The following STARD10 variants were observed in gnomAD, a reference collection of about 807,000 sequenced individuals.
STARD10 encodes the protein START domain-containing protein 10.
STARD10 carries 24 observed loss-of-function variants against 36.0 expected under a neutral mutation model. The observed-to-expected ratio is 0.67, with a 90% CI of 0.48 to 0.94. STARD10 has a LOEUF of 0.94. STARD10 is among the 40% of genes least tolerant of loss of function. STARD10 has a pLI of 0.00. For synonymous variants in STARD10, 156 were observed against 161.9 expected (o/e 0.96, Z 0.28); for missense variants, 335 against 396.6 (o/e 0.84, Z 1.32).
rs531994425 is a variant in STARD10 at position 72,783,018 on chromosome 11, C to T, written c.-113-1724G>A. ...GTTTTCCATTTCCAGAAAAGGGAAT[C>T]AGAATGGATAACCCTAAGGTGCCTC... On this transcript the variant is annotated intron_variant, in intron 1 of 6. Transcript: ENST00000334805. Among the ~76,000 whole-genome samples the T allele has an allele frequency of 1.4e-3, 217 of 152,278 alleles. 1 individual carries two copies. The Middle Eastern group carries it at 0.017, about 12-fold the overall frequency.
Position 72,781,334 on chromosome 11 carries a change from G to A in STARD10, c.-113-40C>T. ...TGGGGACGGGAATCAGTGCGCTGGG[G>A]GCGCGGGTGGGGCTGTTCGGGGTCC... is the stretch of plus-strand genomic sequence containing the variant. On this transcript the variant is annotated intron_variant, in intron 1 of 6. Transcript: ENST00000334805. The surrounding 1 kb of genome is among the most constrained non-coding windows in gnomAD (Gnocchi z 4.7). 4.6e-6 allele frequency: 3 copies of A among 652,508 alleles called. No homozygotes were observed. The highest frequency in any genetic ancestry group is 7.9e-6 in the Non-Finnish European group (3 of 378,482). The allele number at this position is 652,508 out of a possible 1,614,324, so 40.4% of individuals were successfully genotyped here. A position where few individuals can be genotyped will look rare whatever the true frequency, so the allele number is the denominator to read the frequency against.
At chr11:72,767,481 G>A (rs796432472) in intron 2 of STARD10, among the ~76,000 whole-genome samples, 172 of 152,324 alleles carry the variant, frequency 1.1e-3, no homozygotes, top group African/African-American at 3.6e-3. Context: ...GAGTCCAGGT[G>A]TGACTGACCC....
chr11:72,793,713 G>T lies in STARD10; in HGVS notation c.-952C>A, dbSNP rs1433087267. The T allele has an allele frequency of 6.6e-6, 1 of 152,186 alleles. No individual in the cohort carries two copies. The highest frequency in any genetic ancestry group is 1.5e-5 in the Non-Finnish European group (1 of 68,036). The allele number at this position is 152,186 out of a possible 1,614,324, so 9.4% of individuals were successfully genotyped here. A position where few individuals can be genotyped will look rare whatever the true frequency, so the allele number is the denominator to read the frequency against. ...CCCGAGACTCTCGGCTTGCGCAGGC[G>T]CTCTTTGGTGTTTACAGCGGCCGCG... On this transcript the variant is annotated 5_prime_UTR_variant, in exon 1 of 7. Coordinates refer to ENST00000334805, the MANE Select transcript of STARD10 (RefSeq NM_006645.3).
intron 2 of STARD10, among the ~76,000 whole-genome samples, chr11:72,769,750 T>C (rs115024784): frequency 1.7e-3 from 261 of 152,340 alleles, no homozygotes; most frequent in African/African-American, 6.1e-3. Flanking sequence ...TTCATGAGTA[T>C]ATTATTGAAT....
At chr11:72,764,962 G>A (rs11235585) in intron 2 of STARD10, among the ~76,000 whole-genome samples, 20,633 of 152,208 alleles carry the variant, frequency 0.14, 1,947 homozygotes, top group African/African-American at 0.26. Context: ...ACATGCAGTG[G>A]TATTACATTT....
Position 72,781,349 on chromosome 11 carries a change from G to C in STARD10, c.-113-55C>G. ...GTGCGCTGGGGGCGCGGGTGGGGCT[G>C]TTCGGGGTCCTGGCGGGTGGGGAGC... is the stretch of plus-strand genomic sequence containing the variant. On this transcript the variant is annotated intron_variant, in intron 1 of 6. Coordinates refer to ENST00000334805, the MANE Select transcript of STARD10 (RefSeq NM_006645.3). The surrounding 1 kb of genome is among the most constrained non-coding windows in gnomAD (Gnocchi z 4.7). 3.2e-6 allele frequency: 2 copies of C among 620,296 alleles called. No individual in the cohort carries two copies. Among genetic ancestry groups the C allele is most frequent in the South Asian group, 1.9e-5 (1 of 51,496 alleles). The allele number at this position is 620,296 out of a possible 1,614,324, so 38.4% of individuals were successfully genotyped here.
chr11:72,771,004 G>A (rs1035534527), intron 2 of STARD10, among the ~76,000 whole-genome samples: 4 of 152,234 alleles, frequency 2.6e-5, no homozygotes, highest in African/African-American at 9.6e-5. Flanking sequence ...GTGTGGCTCT[G>A]TGCCAGGCTC....
intron 2 of STARD10, among the ~76,000 whole-genome samples, chr11:72,766,624 G>A (rs1458287344): frequency 2.0e-5 from 3 of 151,732 alleles, no homozygotes; most frequent in African/African-American, 4.8e-5. Context: ...CCTCTCTCCC[G>A]CCCCCTGACT....
chr11:72,777,597 T>C (rs554591294), intron 2 of STARD10, among the ~76,000 whole-genome samples: 98 of 152,370 alleles, frequency 6.4e-4, no homozygotes, highest in African/African-American at 2.3e-3. Context: ...GGACAGGGAC[T>C]GAACTGTCAG....
Position 72,755,275 on chromosome 11 carries a change from C to G in STARD10, c.631-133G>C, listed in dbSNP as rs1858628071. 3.0e-6 allele frequency: 3 copies of G among 994,584 alleles called. No individual in the cohort carries two copies. The Admixed American group carries it at 8.7e-5, about 29-fold the overall frequency. The allele number at this position is 994,584 out of a possible 1,614,324, so 61.6% of individuals were successfully genotyped here. ...AACTTCACTCCTCAGCCCTACTTGCCCTCCCTGGGCCCTAGGCTCCATTCT... is the reference window on the plus strand; with the variant it reads ...AACTTCACTCCTCAGCCCTACTTGCGCTCCCTGGGCCCTAGGCTCCATTCT... On this transcript the variant is annotated intron_variant, in intron 6 of 6. Transcript: ENST00000334805.
intron 2 of STARD10, among the ~76,000 whole-genome samples, chr11:72,772,226 G>T (rs1858870361): frequency 6.8e-6 from 1 of 146,176 alleles, no homozygotes; most frequent in African/African-American, 2.6e-5. Context: ...CATAGCCATA[G>T]TGGGCATGGC....
In STARD10 at chr11:72,755,493, T is replaced by A. The variant is rs1160784290; in HGVS notation, c.630+208A>T. The A allele has an allele frequency of 4.8e-6, 3 of 624,546 alleles. No individual in the cohort carries two copies. In the South Asian group the frequency reaches 4.9e-5, roughly 10 times the overall value. The allele number at this position is 624,546 out of a possible 1,614,324, so 38.7% of individuals were successfully genotyped here. ...ACTCAGCTAATTTTTGTATTTTTAG[T>A]AGAGACAGGGTTTCACCATGTTGGC... is the stretch of plus-strand genomic sequence containing the variant. On this transcript the variant is annotated intron_variant, in intron 6 of 6. Coordinates refer to ENST00000334805, the MANE Select transcript of STARD10 (RefSeq NM_006645.3).
intron 2 of STARD10, among the ~76,000 whole-genome samples, chr11:72,770,666 G>A (rs2135618225): frequency 6.6e-6 from 1 of 152,284 alleles, no homozygotes; most frequent in East Asian, 1.9e-4. Flanking sequence ...TGTCTGGCAG[G>A]GCTTGCAGGC....
chr11:72,771,520 C>T (rs905452131), intron 2 of STARD10, among the ~76,000 whole-genome samples: 1 of 152,182 alleles, frequency 6.6e-6, no homozygotes, highest in Non-Finnish European at 1.5e-5. Context: ...AAAAGTGGAA[C>T]CCCTGAGACT....
Position 72,793,949 on chromosome 11 carries a change from G to C in STARD10, c.-1188C>G, listed in dbSNP as rs190679740. 6.6e-6 allele frequency: 1 copy of C among 152,316 alleles called. No homozygotes were observed. 9.4% of individuals were successfully genotyped at this position (152,316 alleles called of 1,614,324 possible). A position where few individuals can be genotyped will look rare whatever the true frequency, so the allele number is the denominator to read the frequency against. Reference sequence around the variant, plus strand: ...TCTGAGGAGAGGCAGGAGAAAATACGGCGCGCTCGGCATCGTCCTTCTGAC... The same window carrying C: ...TCTGAGGAGAGGCAGGAGAAAATACCGCGCGCTCGGCATCGTCCTTCTGAC... On this transcript the variant is annotated 5_prime_UTR_variant, in exon 1 of 7. Transcript: ENST00000334805.
Position 72,764,652 on chromosome 11 carries a change from C to T in STARD10, c.208-5271G>A, listed in dbSNP as rs558189143. Among the ~76,000 whole-genome samples the T allele has an allele frequency of 1.2e-4, 18 of 152,272 alleles. 1 individual carries two copies. Among genetic ancestry groups the T allele is most frequent in the African/African-American group, 2.9e-4 (12 of 41,544 alleles). On this transcript the variant is annotated intron_variant, in intron 2 of 6. Transcript: ENST00000334805. ...TTACACCCATCTTTGTTCCTGCGGG[C>T]GGCGGTGGCCACGCCCCAAAGGTGT...
chr11:72,761,707 G>A (rs1193269311), intron 2 of STARD10, among the ~76,000 whole-genome samples: 1 of 151,862 alleles, frequency 6.6e-6, no homozygotes, highest in Admixed American at 6.6e-5. Context: ...ATCATGCTGT[G>A]TGCTCCAGCC....
At position 72,781,578 on chromosome 11, in the gene STARD10, C is replaced by A. The variant is rs1591271028; in HGVS notation, c.-113-284G>T. On this transcript the variant is annotated intron_variant, in intron 1 of 6. Coordinates refer to ENST00000334805, the MANE Select transcript of STARD10 (RefSeq NM_006645.3). This position sits in a 1 kb window ranked among gnomAD's most constrained non-coding sequence, Gnocchi z 4.7. ...CGGTGCGGCGGGGCCCGCGGAGCGACCTGCTCAACTAACTCGCAGCGACGC... is the reference window on the plus strand; with the variant it reads ...CGGTGCGGCGGGGCCCGCGGAGCGAACTGCTCAACTAACTCGCAGCGACGC... 1 of 159,734 alleles carries A rather than the reference C, an allele frequency of 6.3e-6. No individual in the cohort carries two copies. Among genetic ancestry groups the A allele is most frequent in the Admixed American group, 6.5e-5 (1 of 15,436 alleles). 9.9% of individuals were successfully genotyped at this position (159,734 alleles called of 1,614,324 possible).
chr11:72,757,784 G>A lies in STARD10; in HGVS notation c.560C>T (p.Ala187Val). 6.2e-7 allele frequency: 1 copy of A among 1,614,074 alleles called. No homozygotes were observed. Among genetic ancestry groups the A allele is most frequent in the East Asian group, 2.2e-5 (1 of 44,886 alleles). ...GPKSCVITYL[A>V]QVDPKGSLPK... ...GCCCTCACCTTTGGGGTCCACCTGG[G>A]CCAGGTAGGTGATGACGCAGCTCTT... The change falls in exon 5 of 7, where the codon GCC becomes GTC. Residue 187 changes from alanine to valine, a missense_variant. Transcript: ENST00000334805.
Sources: allele counts gnomAD v4.1 joint callset (sites outside exome capture counted in the v4.1 genomes callset), GRCh38; gene constraint gnomAD v4.1.1; non-coding constraint Gnocchi (gnomAD v3.1); transcripts MANE v1.5; gene names NCBI Gene and HGNC (gene_info 2026-07-23, HGNC 2026-07-21).